CPLX2: variants seen among roughly 807,000 people sequenced by gnomAD.
CPLX2 encodes complexin-2.
Under a neutral mutation model 16.3 loss-of-function variants are expected in CPLX2, and 5 were observed. The observed-to-expected ratio is 0.31, with a 90% CI of 0.16 to 0.64. The LOEUF (loss-of-function observed/expected upper bound fraction) is 0.64. Ranked by LOEUF, CPLX2 falls within the 30% of genes least tolerant of loss-of-function variation. The pLI is 0.79. For synonymous variants in CPLX2, 89 were observed against 73.2 expected (o/e 1.22, Z -1.10); for missense variants, 144 against 181.4 (o/e 0.79, Z 1.18).
chr5:175,876,178 C>A (rs779206912), intron 1 of CPLX2, among the ~76,000 whole-genome samples: 5 of 152,210 alleles, frequency 3.3e-5, no homozygotes, highest in African/African-American at 4.8e-5. Flanking sequence ...AGAATGTAAT[C>A]TGCATGAAGG....
At chr5:175,826,147 T>C (rs1758611182) in intron 2 of CPLX2, among the ~76,000 whole-genome samples, 1 of 152,008 alleles carries the variant, frequency 6.6e-6, no homozygotes. Flanking sequence ...TGAAGGGCAC[T>C]GCAAGAACCC....
intron 2 of CPLX2, among the ~76,000 whole-genome samples, chr5:175,818,617 C>G (rs1398728472): frequency 6.6e-6 from 1 of 151,422 alleles, no homozygotes; most frequent in Non-Finnish European, 1.5e-5. Flanking sequence ...TTTCCAGTCC[C>G]CACCTCCCTG....
In CPLX2 at chr5:175,845,059, C is replaced by G. The variant is rs1480294272; in HGVS notation, c.-88-33593C>G. On this transcript the variant is annotated intron_variant, in intron 2 of 4. Transcript: ENST00000359546. This position sits in a 1 kb window ranked among gnomAD's most constrained non-coding sequence, Gnocchi z 4.0. ...TAGAAGGGGAAGCCCCAGGCAGGCC[C>G]AGATGGTGACCCAAGAGAGCCTTCC... 6.6e-6 allele frequency among the ~76,000 whole-genome samples: 1 copy of G among 152,190 alleles called. No individual in the cohort carries two copies. The highest frequency in any genetic ancestry group is 1.5e-5 in the Non-Finnish European group (1 of 68,034).
intron 2 of CPLX2, among the ~76,000 whole-genome samples, chr5:175,833,718 G>A (rs1038941934): frequency 2.0e-5 from 3 of 152,194 alleles, no homozygotes; most frequent in Non-Finnish European, 4.4e-5. Context: ...TGGGAGGCTG[G>A]AGAGGGATTC....
At position 175,849,653 on chromosome 5, in the gene CPLX2, G is replaced by A. The variant is rs534538391; in HGVS notation, c.-88-28999G>A. Reference sequence around the variant, plus strand: ...GGCTCCTGGAGAGAAGCCCTCTGCCGCAGGTCCTCGTTGGGGTCATCATGG... The same window carrying A: ...GGCTCCTGGAGAGAAGCCCTCTGCCACAGGTCCTCGTTGGGGTCATCATGG... On this transcript the variant is annotated intron_variant, in intron 2 of 4. Transcript: ENST00000359546. This position sits in a 1 kb window ranked among gnomAD's most constrained non-coding sequence, Gnocchi z 4.4. Among the ~76,000 whole-genome samples, 37 of 152,180 alleles carry A rather than the reference G, an allele frequency of 2.4e-4. 1 individual carries two copies. The South Asian group carries it at 6.7e-3, about 27-fold the overall frequency.
Position 175,807,185 on chromosome 5 carries a change from C to T in CPLX2, c.-168-1804C>T, listed in dbSNP as rs115222500. Among the ~76,000 whole-genome samples the T allele has an allele frequency of 6.2e-4, 94 of 152,354 alleles. 1 individual carries two copies. The highest frequency in any genetic ancestry group is 2.2e-3 in the African/African-American group (91 of 41,578). Reference sequence around the variant, plus strand: ...TAAGGAATGACGCTCCATTCTAAGTCATAATAATTCTAGTAGTTCACGCTT... The same window carrying T: ...TAAGGAATGACGCTCCATTCTAAGTTATAATAATTCTAGTAGTTCACGCTT... On this transcript the variant is annotated intron_variant, in intron 1 of 4. Transcript: ENST00000359546.
At chr5:175,822,737 C>T (rs772488090) in intron 2 of CPLX2, among the ~76,000 whole-genome samples, 1 of 152,346 alleles carries the variant, frequency 6.6e-6, no homozygotes, top group South Asian at 2.1e-4. Flanking sequence ...GAAAATCGGG[C>T]ACCCATTCCA....
chr5:175,870,346 C>G (rs936922891), upstream of CPLX2, among the ~76,000 whole-genome samples: 5 of 152,114 alleles, frequency 3.3e-5, no homozygotes, highest in African/African-American at 4.8e-5. Flanking sequence ...CTGCTGTGAT[C>G]GTGTGTGAAG....
At chr5:175,818,540 C>T (rs1050747153) in intron 2 of CPLX2, among the ~76,000 whole-genome samples, 21 of 151,940 alleles carry the variant, frequency 1.4e-4, no homozygotes, top group African/African-American at 2.9e-4. Flanking sequence ...AAAGTGAACA[C>T]GCCCACGTAA....
At chr5:175,838,651 G>A (rs918963471) in intron 2 of CPLX2, among the ~76,000 whole-genome samples, 1 of 152,088 alleles carries the variant, frequency 6.6e-6, no homozygotes, top group East Asian at 1.9e-4. Flanking sequence ...TGGAGTTGGA[G>A]GCTGTGACCA....
chr5:175,817,326 C>T (rs1758426113), intron 2 of CPLX2, among the ~76,000 whole-genome samples: 1 of 152,234 alleles, frequency 6.6e-6, no homozygotes, highest in African/African-American at 2.4e-5. Context: ...TCAGCTTTAT[C>T]GCCTGTCTAA....
intron 2 of CPLX2, among the ~76,000 whole-genome samples, chr5:175,835,525 C>G (rs571540639): frequency 6.6e-6 from 1 of 152,202 alleles, no homozygotes; most frequent in African/African-American, 2.4e-5. Flanking sequence ...GGCCAATATC[C>G]CTCATGAACA....
intron 1 of CPLX2, among the ~76,000 whole-genome samples, chr5:175,802,609 T>G (rs1758120355): frequency 6.6e-6 from 1 of 152,126 alleles, no homozygotes; most frequent in African/African-American, 2.4e-5. Context: ...CAGCCCTGGC[T>G]CTCACATCAG....
chr5:175,878,423 T>A (rs2113715065), intron 1 of CPLX2: 1 of 494,522 alleles, frequency 2.0e-6, no homozygotes, highest in East Asian at 3.4e-5. Context: ...AGATGAAGGC[T>A]TTAAAATAGG....
upstream of CPLX2, among the ~76,000 whole-genome samples, chr5:175,868,410 T>C (rs1314924032): frequency 6.6e-6 from 1 of 152,208 alleles, no homozygotes; most frequent in Admixed American, 6.5e-5. Context: ...ATTCAAGGCA[T>C]ATACATAACA....
intron 2 of CPLX2, among the ~76,000 whole-genome samples, chr5:175,829,564 G>A (rs1324488208): frequency 6.6e-6 from 1 of 152,170 alleles, no homozygotes; most frequent in Non-Finnish European, 1.5e-5. Flanking sequence ...TGCCCTCTCT[G>A]AGCCTCTGCT....
At chr5:175,823,866 C>T (rs1388111749) in intron 2 of CPLX2, among the ~76,000 whole-genome samples, 4 of 152,182 alleles carry the variant, frequency 2.6e-5, no homozygotes, top group African/African-American at 9.7e-5. Context: ...GGAGCAGCTG[C>T]CTGGGAGGAC....
intron 1 of CPLX2, chr5:175,805,744 G>A (rs1401823455): frequency 6.6e-6 from 1 of 152,442 alleles, no homozygotes; most frequent in East Asian, 1.9e-4. Context: ...CAGTCAGGTG[G>A]TAGGGGAAGC....
intron 2 of CPLX2, among the ~76,000 whole-genome samples, chr5:175,817,305 C>T (rs1758425805): frequency 6.6e-6 from 1 of 152,210 alleles, no homozygotes. Flanking sequence ...GACCCTTCAC[C>T]GCTCTGAGTT....
Sources: gnomAD v4.1 joint callset for allele counts (sites outside exome capture counted in the v4.1 genomes callset) on GRCh38, gnomAD v4.1.1 for gene constraint, Gnocchi (gnomAD v3.1) non-coding constraint, MANE v1.5 for transcripts, NCBI Gene and HGNC (gene_info 2026-07-23, HGNC 2026-07-21) for gene names.